The following UBE2N variants were observed in gnomAD, a reference collection of about 807,000 sequenced individuals.
UBE2N encodes the protein ubiquitin conjugating enzyme E2 N.
For missense variants in UBE2N, 60 were observed against 192.1 expected (o/e 0.31, Z 4.07); for synonymous variants, 70 against 69.2 (o/e 1.01, Z -0.06).
chr12:93,437,020 T>C (rs1448597896), intron 1 of UBE2N, among the ~76,000 whole-genome samples: 1 of 152,128 alleles, frequency 6.6e-6, no homozygotes, highest in African/African-American at 2.4e-5. Context: ...CCTAGCACTT[T>C]GGGAGGCCGA....
intron 1 of UBE2N, among the ~76,000 whole-genome samples, chr12:93,433,849 AT>A (rs748992122): frequency 2.2e-4 from 34 of 152,338 alleles, no homozygotes; most frequent in Non-Finnish European, 3.5e-4. Flanking sequence ...TCTGTAGCAT[AT>A]TTTCTTCTTA....
chr12:93,433,231 C>T (rs1323644606), intron 1 of UBE2N, among the ~76,000 whole-genome samples: 6 of 151,990 alleles, frequency 3.9e-5, no homozygotes, highest in African/African-American at 1.4e-4. Flanking sequence ...CCGCGCCTGG[C>T]CAGGATTTTT....
At chr12:93,424,772 A>T (rs1878528177) in intron 1 of UBE2N, among the ~76,000 whole-genome samples, 1 of 152,246 alleles carries the variant, frequency 6.6e-6, no homozygotes, top group South Asian at 2.1e-4. Flanking sequence ...TAACCCATGG[A>T]AAATGGATTA....
intron 1 of UBE2N, among the ~76,000 whole-genome samples, chr12:93,434,233 A>G (rs1878855087): frequency 6.6e-6 from 1 of 152,254 alleles, no homozygotes. Context: ...TGGAGATTGC[A>G]GTTAGCCGAG....
In UBE2N at chr12:93,407,260, CAA is replaced by C. The variant is rs1330188310; in HGVS notation, c.*2777_*2778del. On this transcript the variant is annotated 3_prime_UTR_variant, in exon 4 of 4. Coordinates refer to ENST00000318066, the MANE Select transcript of UBE2N (RefSeq NM_003348.4). ...TGGAGATGTTCATCTGGCCTGAATC[CAA>C]AAGTCTGTCCAAGTTACTTCTCTTT... 6.6e-6 allele frequency: 1 copy of C among 152,308 alleles called. No homozygotes were observed. Among genetic ancestry groups the C allele is most frequent in the African/African-American group, 2.4e-5 (1 of 41,440 alleles). 9.4% of individuals were successfully genotyped at this position (152,308 alleles called of 1,614,324 possible).
chr12:93,423,185 G>A (rs371519871), intron 1 of UBE2N, among the ~76,000 whole-genome samples: 10 of 152,180 alleles, frequency 6.6e-5, no homozygotes, highest in African/African-American at 2.2e-4. Context: ...TGAAATCATC[G>A]TGATGTGATT....
At chr12:93,416,910 G>A (rs1249552353) in intron 1 of UBE2N, among the ~76,000 whole-genome samples, 1 of 148,148 alleles carries the variant, frequency 6.8e-6, no homozygotes, top group African/African-American at 2.5e-5. Context: ...GAAGGCCATA[G>A]TTGTTTACAG....
chr12:93,410,545 G>T, intron 3 of UBE2N, 189 bp downstream of exon 3: 1 of 761,966 alleles, frequency 1.3e-6, no homozygotes, highest in Non-Finnish European at 2.1e-6. Context: ...TCAATTACAG[G>T]TTGTCTTTAT....
chr12:93,432,142 G>A (rs531453952), intron 1 of UBE2N, among the ~76,000 whole-genome samples: 1 of 152,302 alleles, frequency 6.6e-6, no homozygotes, highest in African/African-American at 2.4e-5. Flanking sequence ...TGAGGCAGGA[G>A]AATTGCTTGA....
chr12:93,414,769 T>C (rs1592741169), intron 1 of UBE2N, among the ~76,000 whole-genome samples: 1 of 152,152 alleles, frequency 6.6e-6, no homozygotes, highest in East Asian at 1.9e-4. Context: ...AACCCTACCC[T>C]GCACACTCCC....
intron 1 of UBE2N, among the ~76,000 whole-genome samples, chr12:93,422,522 G>A (rs1470244486): frequency 1.3e-5 from 2 of 152,170 alleles, no homozygotes; most frequent in South Asian, 2.1e-4. Context: ...GCATATTTTA[G>A]GTTCTGGGAG....
chr12:93,426,147 A>G lies in UBE2N; in HGVS notation c.31-14848T>C, dbSNP rs75046348. 3.5e-3 allele frequency among the ~76,000 whole-genome samples: 527 copies of G among 152,318 alleles called. 2 individuals carry two copies. The highest frequency in any genetic ancestry group is 0.012 in the African/African-American group (508 of 41,564). On this transcript the variant is annotated intron_variant, in intron 1 of 3. Coordinates refer to ENST00000318066, the MANE Select transcript of UBE2N (RefSeq NM_003348.4). ...TTATCTCGTCCTGCACTACTAAGCC[A>G]GAAGAGGAAATGATCCAGACAACTC...
intron 1 of UBE2N, among the ~76,000 whole-genome samples, chr12:93,419,325 G>A (rs1242108419): frequency 6.6e-6 from 1 of 152,022 alleles, no homozygotes; most frequent in African/African-American, 2.4e-5. Context: ...GGGAGACGGA[G>A]GTTGCAGTGA....
intron 1 of UBE2N, among the ~76,000 whole-genome samples, chr12:93,432,696 A>T (rs1053980373): frequency 3.4e-4 from 51 of 152,160 alleles, no homozygotes; most frequent in African/African-American, 1.2e-3. Flanking sequence ...AACCAAACTG[A>T]CAGAGACATA....
chr12:93,417,705 A>G (rs550811894), intron 1 of UBE2N, among the ~76,000 whole-genome samples: 1 of 152,348 alleles, frequency 6.6e-6, no homozygotes, highest in South Asian at 2.1e-4. Flanking sequence ...TTACTGAAAA[A>G]TAAGTGTTAA....
chr12:93,420,869 A>G (rs1358570216), intron 1 of UBE2N, among the ~76,000 whole-genome samples: 6 of 151,996 alleles, frequency 3.9e-5, no homozygotes, highest in Non-Finnish European at 7.4e-5. Context: ...TAAACACATC[A>G]GGTTGTATTA....
intron 3 of UBE2N, chr12:93,410,462 CA>C: frequency 1.8e-6 from 1 of 551,546 alleles, no homozygotes; most frequent in Non-Finnish European, 3.2e-6. Flanking sequence ...GTATTCTTTA[CA>C]TATAACTAGA....
chr12:93,412,985 T>G (rs1382406625), intron 1 of UBE2N, among the ~76,000 whole-genome samples: 4 of 152,226 alleles, frequency 2.6e-5, no homozygotes, highest in Non-Finnish European at 5.9e-5. Flanking sequence ...AGTTACTATT[T>G]ATTCCTAATT....
At chr12:93,421,495 T>C (rs1310667028) in intron 1 of UBE2N, among the ~76,000 whole-genome samples, 1 of 152,184 alleles carries the variant, frequency 6.6e-6, no homozygotes, top group Non-Finnish European at 1.5e-5. Context: ...ATAAAGACAA[T>C]TAACTACATA....
Sources: allele counts gnomAD v4.1 joint callset (sites outside exome capture counted in the v4.1 genomes callset), GRCh38; gene constraint gnomAD v4.1.1; transcripts MANE v1.5; gene names NCBI Gene and HGNC (gene_info 2026-07-23, HGNC 2026-07-21).